The following PAX5 variants were observed in gnomAD, a reference collection of about 807,000 sequenced individuals.
The protein encoded by PAX5 is paired box 5.
Under a neutral mutation model 43.7 loss-of-function variants are expected in PAX5, and 9 were observed. The observed-to-expected ratio is 0.21, with a 90% confidence interval of 0.12 to 0.36. The LOEUF (loss-of-function observed/expected upper bound fraction) is 0.36, where lower values mean the gene tolerates loss of function less well. PAX5 is among the 10% of genes least tolerant of loss of function. PAX5 has a pLI of 1.00. For missense variants in PAX5, 383 were observed against 532.7 expected, an observed-to-expected ratio of 0.72 and a Z score of 2.77; for synonymous variants, 228 against 214.3, an observed-to-expected ratio of 1.06 and a Z score of -0.56.
At chr9:36,868,634 C>A (rs909245137) in intron 8 of PAX5, among the ~76,000 whole-genome samples, 1 of 152,136 alleles carries the variant, frequency 6.6e-6, no homozygotes, top group Non-Finnish European at 1.5e-5. Context: ...CATAAAAGAA[C>A]TCGAGTTAGG....
chr9:36,936,314 G>A (rs1370567209), intron 6 of PAX5, among the ~76,000 whole-genome samples: 1 of 152,216 alleles, frequency 6.6e-6, no homozygotes, highest in Non-Finnish European at 1.5e-5. Context: ...GGAAACCTCT[G>A]CACCTGCTAC....
chr9:36,909,818 T>TTTTA (rs1299367207), intron 7 of PAX5, among the ~76,000 whole-genome samples: 10 of 142,526 alleles, frequency 7.0e-5, no homozygotes, highest in African/African-American at 2.7e-4. Flanking sequence ...ATTTTAATTT[T>TTTTA]TTTTTTTTTT....
chr9:37,002,618 C>T lies in PAX5; in HGVS notation c.604+30G>A, dbSNP rs1435364424. The T allele has an allele frequency of 8.8e-6, 14 of 1,595,954 alleles. No homozygotes were observed. In the East Asian group the frequency reaches 3.2e-4, roughly 36 times the overall value. ...CGGAAACAGACCCCGTGGAGCGCAT[C>T]CCCGACGGGGCTGCGCGGGCCTCTC... is the stretch of plus-strand genomic sequence containing the variant. On this transcript the variant is annotated intron_variant, in intron 5 of 9. Transcript: ENST00000358127.
At chr9:36,955,770 C>CA (rs67265503) in intron 6 of PAX5, among the ~76,000 whole-genome samples, 43 of 136,518 alleles carry the variant, frequency 3.1e-4, no homozygotes, top group Middle Eastern at 3.8e-3. Context: ...CTTTTTGTTT[C>CA]AAAAAAAAAA....
intron 1 of PAX5, among the ~76,000 whole-genome samples, chr9:37,027,769 C>T (rs1224442011): frequency 6.6e-6 from 1 of 152,236 alleles, no homozygotes; most frequent in East Asian, 1.9e-4. Context: ...GCCAATCACG[C>T]TCCACCAAGC....
chr9:36,926,757 G>A (rs1301742616), intron 6 of PAX5, among the ~76,000 whole-genome samples: 3 of 152,172 alleles, frequency 2.0e-5, no homozygotes, highest in African/African-American at 7.2e-5. Flanking sequence ...GTGAATGGTG[G>A]GCGTGCATTC....
chr9:36,897,483 T>A (rs1423641986), intron 7 of PAX5, among the ~76,000 whole-genome samples: 2 of 151,928 alleles, frequency 1.3e-5, no homozygotes, highest in Non-Finnish European at 2.9e-5. Flanking sequence ...AATAAAGGTT[T>A]CTTCAAACAC....
chr9:37,031,559 GGA>G (rs1033357081), intron 1 of PAX5, among the ~76,000 whole-genome samples: 2 of 152,100 alleles, frequency 1.3e-5, no homozygotes, highest in African/African-American at 4.8e-5. Context: ...GGGGGTCCAT[GGA>G]GAGAGGGGGG....
At chr9:36,950,931 G>A (rs1439085399) in intron 6 of PAX5, among the ~76,000 whole-genome samples, 4 of 151,902 alleles carry the variant, frequency 2.6e-5, no homozygotes, top group Admixed American at 6.6e-5. Flanking sequence ...TAGTAGAGAC[G>A]GGGTTTCACC....
chr9:36,948,477 T>C (rs1415283429), intron 6 of PAX5, among the ~76,000 whole-genome samples: 1 of 152,346 alleles, frequency 6.6e-6, no homozygotes, highest in East Asian at 1.9e-4. Context: ...TTAAATTGTT[T>C]GTTTGTAGGG....
intron 5 of PAX5, among the ~76,000 whole-genome samples, chr9:36,979,310 G>T (rs562850051): frequency 7.9e-4 from 120 of 152,174 alleles, no homozygotes; most frequent in Non-Finnish European, 1.3e-3. Flanking sequence ...ATTTATGAGG[G>T]TGTGGAACTG....
At chr9:36,966,251 A>AGGAAAGGCTGAG (rs1834421346) in intron 6 of PAX5, among the ~76,000 whole-genome samples, 3 of 152,030 alleles carry the variant, frequency 2.0e-5, no homozygotes, top group Non-Finnish European at 4.4e-5. Flanking sequence ...AGATCATTAC[A>AGGAAAGGCTGAG]CCCTTCTGTC....
At chr9:36,957,179 C>T (rs997242200) in intron 6 of PAX5, among the ~76,000 whole-genome samples, 4 of 152,236 alleles carry the variant, frequency 2.6e-5, no homozygotes, top group African/African-American at 4.8e-5. Flanking sequence ...CTTCTACACG[C>T]TTCAGGTTTC....
chr9:36,911,991 G>A (rs1829332771), intron 7 of PAX5, among the ~76,000 whole-genome samples: 3 of 152,216 alleles, frequency 2.0e-5, no homozygotes, highest in Admixed American at 2.0e-4. Context: ...CACAGTGGAT[G>A]TCCCTGCTTC....
intron 7 of PAX5, among the ~76,000 whole-genome samples, chr9:36,922,036 C>T (rs893183857): frequency 6.6e-6 from 1 of 152,184 alleles, no homozygotes; most frequent in Non-Finnish European, 1.5e-5. Context: ...AGGCTCTTGG[C>T]CCACCTCAGG....
rs190553878 is a variant in PAX5, at chr9:36,884,448, T to C, written c.911-2343A>G. Reference sequence around the variant, plus strand: ...GCTAAAATTCAATATTAATTCCTTATGATACCTCTTAGTAAATAAGAATTG... The same window carrying C: ...GCTAAAATTCAATATTAATTCCTTACGATACCTCTTAGTAAATAAGAATTG... On this transcript the variant is annotated intron_variant, in intron 7 of 9. Coordinates refer to ENST00000358127, the MANE Select transcript of PAX5 (RefSeq NM_016734.3). Among the ~76,000 whole-genome samples the C allele has an allele frequency of 2.0e-4, 30 of 152,370 alleles. No homozygotes were observed. The East Asian group carries it at 5.8e-3, about 29-fold the overall frequency.
intron 6 of PAX5, among the ~76,000 whole-genome samples, chr9:36,929,299 G>A (rs1243613722): frequency 6.8e-6 from 1 of 146,760 alleles, no homozygotes; most frequent in African/African-American, 2.6e-5. Flanking sequence ...GGATGGATGA[G>A]AGAGAGAGAG....
intron 8 of PAX5, among the ~76,000 whole-genome samples, chr9:36,880,594 G>A (rs79791995): frequency 0.018 from 2,786 of 152,238 alleles, 44 homozygotes; most frequent in East Asian, 0.072. Flanking sequence ...ACAGGGTATC[G>A]CTCTGTCGCC....
At chr9:36,957,487 G>T (rs1833590007) in intron 6 of PAX5, among the ~76,000 whole-genome samples, 1 of 152,152 alleles carries the variant, frequency 6.6e-6, no homozygotes, top group Non-Finnish European at 1.5e-5. Flanking sequence ...CCCTACAGAG[G>T]AAGAATAAGA....
Sources: gnomAD v4.1 joint callset for allele counts (sites outside exome capture counted in the v4.1 genomes callset) on GRCh38, gnomAD v4.1.1 for gene constraint, MANE v1.5 for transcripts, NCBI Gene and HGNC (gene_info 2026-07-23, HGNC 2026-07-21) for gene names.